Variants in NTN1 observed in about 807,000 individuals in gnomAD.
NTN1 encodes the protein netrin 1.
In NTN1, 11 loss-of-function variants were observed where a neutral mutation model predicts 54.2. That is an observed-to-expected ratio of 0.20 (90% CI 0.13 to 0.34). The LOEUF is 0.34. Among genes scored for constraint, NTN1 ranks in the 10% least tolerant of loss-of-function variants. The probability of loss-of-function intolerance (pLI) is 1.00; values close to 1 mark genes in which losing one functional copy is unlikely to be tolerated. For missense variants in NTN1, 740 were observed against 893.1 expected, an observed-to-expected ratio of 0.83 and a Z score of 2.18; for synonymous variants, 371 against 382.0, an observed-to-expected ratio of 0.97 and a Z score of 0.33.
intron 2 of NTN1, among the ~76,000 whole-genome samples, chr17:9,139,047 A>AGG (rs1384021242): frequency 2.0e-5 from 3 of 152,062 alleles, no homozygotes; most frequent in African/African-American, 7.2e-5. Context: ...GACACCATGG[A>AGG]GGAGGGGATT....
At position 9,169,589 on chromosome 17, in the gene NTN1, G is replaced by A. The variant is rs117611258; in HGVS notation, c.1207+6588G>A. On this transcript the variant is annotated intron_variant, in intron 3 of 6. Transcript: ENST00000173229. ...TAGAAATTCCTGGAGGATTGGCTGG[G>A]TGCGGTGGCTCACGCCTGTAATCCC... Among the ~76,000 whole-genome samples, 989 of 152,368 alleles carry A rather than the reference G, an allele frequency of 6.5e-3. 46 individuals are homozygous for A. In the East Asian group the frequency reaches 0.13, roughly 19 times the overall value.
At chr17:9,080,495 C>T (rs11658205) in intron 2 of NTN1, among the ~76,000 whole-genome samples, 111,567 of 152,192 alleles carry the variant, frequency 0.73, 41,142 homozygotes, top group East Asian at 0.95. Context: ...TGTAATATTG[C>T]GAAATGTATA....
intron 6 of NTN1, among the ~76,000 whole-genome samples, chr17:9,231,386 G>A (rs187341492): frequency 5.3e-5 from 8 of 152,336 alleles, no homozygotes; most frequent in Admixed American, 2.6e-4. Flanking sequence ...ATCCGGCAGC[G>A]CTCAGCTCTG....
chr17:9,004,658 G>T, the NTN1 span, among the ~76,000 whole-genome samples: 1 of 152,240 alleles, frequency 6.6e-6, no homozygotes, highest in East Asian at 1.9e-4. Context: ...CAGCCAGGCT[G>T]TGGCGCCTCC....
intron 2 of NTN1, among the ~76,000 whole-genome samples, chr17:9,112,309 AT>A (rs934027914): frequency 6.6e-6 from 1 of 152,200 alleles, no homozygotes; most frequent in Non-Finnish European, 1.5e-5. Context: ...CAGCAATACT[AT>A]TCCTTTCCTT....
At chr17:9,182,636 G>C (rs889661755) in intron 4 of NTN1, among the ~76,000 whole-genome samples, 26 of 152,338 alleles carry the variant, frequency 1.7e-4, no homozygotes, top group Middle Eastern at 3.4e-3. Context: ...CCAGGCCCAG[G>C]GGGTGGGGGC....
rs1404097905 is a variant in NTN1, at chr17:9,114,164, A to ATAT, written c.1019-48649_1019-48648insTAT. Among the ~76,000 whole-genome samples, 20 of 80,472 alleles carry ATAT rather than the reference A, an allele frequency of 2.5e-4. 1 individual carries two copies. The highest frequency in any genetic ancestry group is 6.2e-4 in the African/African-American group (12 of 19,348). 52.8% of individuals were successfully genotyped at this position (80,472 alleles called of 152,430 possible). The stretch of plus-strand genomic sequence containing the variant: ...GTGCCAAAAAAAAAGAAAAAAAAAA[A>ATAT]AAATATATATATATATATATATGAT... On this transcript the variant is annotated intron_variant, in intron 2 of 6. Transcript: ENST00000173229.
At chr17:9,056,883 T>A (rs2091981023) in intron 2 of NTN1, among the ~76,000 whole-genome samples, 1 of 152,140 alleles carries the variant, frequency 6.6e-6, no homozygotes, top group Non-Finnish European at 1.5e-5. Context: ...GCATGAAGGA[T>A]GAAAAGACGC....
At chr17:9,073,814 G>A (rs758834963) in intron 2 of NTN1, among the ~76,000 whole-genome samples, 2 of 152,230 alleles carry the variant, frequency 1.3e-5, no homozygotes, top group Non-Finnish European at 2.9e-5. Flanking sequence ...CAAAGTGAAT[G>A]TGGTATTCTC....
intron 2 of NTN1, among the ~76,000 whole-genome samples, chr17:9,107,498 T>C (rs1286377486): frequency 3.3e-5 from 5 of 152,216 alleles, no homozygotes; most frequent in Non-Finnish European, 5.9e-5. Flanking sequence ...GGAGGAACGC[T>C]GTGTGAACGT....
chr17:9,226,564 T>G (rs2013732), intron 6 of NTN1, among the ~76,000 whole-genome samples: 26,543 of 150,642 alleles, frequency 0.18, 2,472 homozygotes, highest in Non-Finnish European at 0.21. Context: ...TCAGGTCACC[T>G]GGCCGCCCTC....
chr17:9,003,455 C>A, the NTN1 span, among the ~76,000 whole-genome samples: 1 of 151,146 alleles, frequency 6.6e-6, no homozygotes, highest in African/African-American at 2.4e-5. This position sits in a 1 kb window ranked among gnomAD's most constrained non-coding sequence, Gnocchi z 7.4. Context: ...GCGGTCCCGG[C>A]GAGCCCCAGC....
chr17:9,063,770 G>A (rs921668232), intron 2 of NTN1, among the ~76,000 whole-genome samples: 1 of 151,414 alleles, frequency 6.6e-6, no homozygotes, highest in African/African-American at 2.4e-5. Flanking sequence ...GGATGGTCTC[G>A]ATCTCCTGAC....
intron 3 of NTN1, chr17:9,176,374 T>C (rs2092400218): frequency 1.3e-5 from 2 of 152,384 alleles, no homozygotes; most frequent in Admixed American, 1.3e-4. Flanking sequence ...TGTGTGTTAG[T>C]AGGAACTTTG....
At chr17:9,222,702 G>T (rs549940518) in intron 6 of NTN1, among the ~76,000 whole-genome samples, 2 of 152,184 alleles carry the variant, frequency 1.3e-5, no homozygotes, top group African/African-American at 4.8e-5. Flanking sequence ...ACCCCGTGGG[G>T]GTCCGGCAGC....
intron 5 of NTN1, among the ~76,000 whole-genome samples, chr17:9,187,841 A>G (rs79466525): frequency 6.6e-6 from 1 of 152,028 alleles, no homozygotes; most frequent in East Asian, 1.9e-4. Flanking sequence ...AAAAAAAAAA[A>G]GAAATGAAGT....
chr17:9,204,276 C>T (rs1904902921), intron 5 of NTN1, among the ~76,000 whole-genome samples: 1 of 137,770 alleles, frequency 7.3e-6, no homozygotes, highest in Admixed American at 7.3e-5. Flanking sequence ...TTCTCTCTCT[C>T]TTTCTCTATC....
chr17:9,110,737 T>C (rs540203682), intron 2 of NTN1, among the ~76,000 whole-genome samples: 2 of 152,290 alleles, frequency 1.3e-5, no homozygotes, highest in East Asian at 3.9e-4. Context: ...CTGGAGGCCC[T>C]GAGGGAGAAT....
intron 5 of NTN1, among the ~76,000 whole-genome samples, chr17:9,197,482 A>G (rs1180045995): frequency 6.6e-6 from 1 of 151,744 alleles, no homozygotes; most frequent in Non-Finnish European, 1.5e-5. Flanking sequence ...AACATGGCGA[A>G]ACCCTGTCTC....
Sources: gnomAD v4.1 joint callset for allele counts (sites outside exome capture counted in the v4.1 genomes callset) on GRCh38, gnomAD v4.1.1 for gene constraint, Gnocchi (gnomAD v3.1) non-coding constraint, MANE v1.5 for transcripts, NCBI Gene and HGNC (gene_info 2026-07-23, HGNC 2026-07-21) for gene names.